The following NHSL2 variants were observed in gnomAD, a reference collection of about 807,000 sequenced individuals.
The protein encoded by NHSL2 is NHS-like protein 2.
Under a neutral mutation model 53.4 loss-of-function variants are expected in NHSL2, and 27 were observed. The ratio of observed to expected loss-of-function variants is 0.51; its 90% CI spans 0.37 to 0.70. NHSL2 has a LOEUF of 0.70. NHSL2 is among the 30% of genes least tolerant of loss of function. The pLI is 0.00. For synonymous variants in NHSL2, 408 were observed against 404.1 expected, an observed-to-expected ratio of 1.01 and a Z score of -0.12; for missense variants, 892 against 980.1, an observed-to-expected ratio of 0.91 and a Z score of 1.20.
rs141514463 is a variant in NHSL2, at chrX:72,065,222, G to A, written c.281-66857G>A. On this transcript the variant is annotated intron_variant, in intron 1 of 7. Coordinates refer to ENST00000633930, the MANE Select transcript of NHSL2 (RefSeq NM_001013627.3). ...AGAGGAAGGAAGGTCTGCATGAGCA[G>A]GGTAGCTTGGCCTGTGCCCATGAAT... 3.7e-3 allele frequency among the ~76,000 whole-genome samples: 417 copies of A among 111,919 alleles called. 2 individuals are homozygous for A. Among genetic ancestry groups the A allele is most frequent in the African/African-American group, 0.013 (393 of 30,819 alleles).
chrX:72,142,305 T>G lies in NHSL2; in HGVS notation c.3297T>G (p.Asp1099Glu). The G allele has an allele frequency of 8.6e-7, 1 of 1,158,886 alleles. No individual in the cohort carries two copies. The highest frequency in any genetic ancestry group is 1.9e-5 in the South Asian group (1 of 52,452). The change falls in exon 7 of 8, where the codon GAT (aspartate) becomes GAG (glutamate). Residue 1099 changes from aspartate to glutamate, a missense_variant. Physicochemically the swap from Asp to Glu is conservative, Grantham distance 45 (BLOSUM62 2). Transcript: ENST00000633930. ...SDKTAEWIAE[D>E]DDDVFVASRT... Reference sequence around the variant, plus strand: ...AAACAGCTGAATGGATTGCAGAGGATGATGATGACGTGTTTGTGGCTTCAC... The same window carrying G: ...AAACAGCTGAATGGATTGCAGAGGAGGATGATGACGTGTTTGTGGCTTCAC...
rs1323928890 is a variant in NHSL2 at position 72,146,048 on chromosome X, G to A, written c.*2474G>A. 8.9e-6 allele frequency: 1 copy of A among 112,522 alleles called. No homozygotes were observed. The highest frequency in any genetic ancestry group is 9.4e-5 in the Admixed American group (1 of 10,660). 9.3% of individuals were successfully genotyped at this position (112,522 alleles called of 1,213,427 possible). A position where few individuals can be genotyped will look rare whatever the true frequency, so the allele number is the denominator to read the frequency against. ...TGGTCAGAGAGAACATTTAAGACCG[G>A]AAGTATTCATTTAATTTTTTAAATT... On this transcript the variant is annotated 3_prime_UTR_variant, in exon 8 of 8. Coordinates refer to ENST00000633930, the MANE Select transcript of NHSL2 (RefSeq NM_001013627.3).
chrX:72,039,147 C>CTTTCCT (rs1251400322), intron 1 of NHSL2, among the ~76,000 whole-genome samples: 2 of 69,499 alleles, frequency 2.9e-5, no homozygotes, highest in Non-Finnish European at 2.6e-5. Flanking sequence ...CTTTCCTTTC[C>CTTTCCT]TTCCTTGTCT....
At chrX:72,094,852 T>C in intron 1 of NHSL2, among the ~76,000 whole-genome samples, 1 of 111,859 alleles carries the variant, frequency 8.9e-6, no homozygotes. Flanking sequence ...TTGGGGCAAA[T>C]TTTAGATTCA....
At chrX:71,915,800 T>G (rs1006722212) in intron 1 of NHSL2, among the ~76,000 whole-genome samples, 1 of 111,305 alleles carries the variant, frequency 9.0e-6, no homozygotes, top group Non-Finnish European at 1.9e-5. Flanking sequence ...AAGTTCAAAG[T>G]CAGTTGTTCT....
chrX:72,008,659 A>T (rs188250324), intron 1 of NHSL2, among the ~76,000 whole-genome samples: 244 of 112,591 alleles, frequency 2.2e-3, no homozygotes, highest in African/African-American at 7.7e-3. Context: ...CTTGCTGCAT[A>T]ACAGAACTTT....
chrX:71,955,627 CT>C (rs2041839545), intron 1 of NHSL2, among the ~76,000 whole-genome samples: 1 of 110,019 alleles, frequency 9.1e-6, no homozygotes. Flanking sequence ...ACTTATTGAA[CT>C]GGGGAGGCAA....
chrX:72,056,940 G>A (rs991413396), intron 1 of NHSL2, among the ~76,000 whole-genome samples: 4 of 112,413 alleles, frequency 3.6e-5, no homozygotes, highest in Admixed American at 2.8e-4. Flanking sequence ...CAGAGAAATT[G>A]GGAGCCAGCA....
chrX:72,111,845 C>T (rs1420129239), intron 1 of NHSL2, among the ~76,000 whole-genome samples: 1 of 111,595 alleles, frequency 9.0e-6, no homozygotes, highest in Non-Finnish European at 1.9e-5. Context: ...CAGACAAGAT[C>T]CTTGACCTCA....
chrX:72,039,141 CCTTT>C (rs2042259296), intron 1 of NHSL2, among the ~76,000 whole-genome samples: 1 of 97,477 alleles, frequency 1.0e-5, no homozygotes, highest in South Asian at 4.3e-4. Context: ...CCTTTCCTTT[CCTTT>C]CCTTCCTTGT....
At chrX:71,942,052 G>A (rs2041768581) in intron 1 of NHSL2, among the ~76,000 whole-genome samples, 1 of 109,619 alleles carries the variant, frequency 9.1e-6, no homozygotes, top group Non-Finnish European at 1.9e-5. Flanking sequence ...AAGGGGGCTA[G>A]AGGAGTGGGG....
chrX:72,043,488 G>A (rs923576636), intron 1 of NHSL2, among the ~76,000 whole-genome samples: 3 of 111,486 alleles, frequency 2.7e-5, no homozygotes, highest in African/African-American at 6.5e-5. Context: ...GGAAAGAGAG[G>A]TAATGAAAAG....
At chrX:71,946,016 C>T (rs2041790894) in intron 1 of NHSL2, among the ~76,000 whole-genome samples, 1 of 112,376 alleles carries the variant, frequency 8.9e-6, no homozygotes, top group South Asian at 3.7e-4. Context: ...AAGCCTCAGG[C>T]TGACATACCG....
At chrX:71,914,559 T>G (rs1170972783) in intron 1 of NHSL2, among the ~76,000 whole-genome samples, 1 of 112,384 alleles carries the variant, frequency 8.9e-6, no homozygotes, top group Non-Finnish European at 1.9e-5. Flanking sequence ...ACAATTATTT[T>G]GGCTTGAATA....
intron 1 of NHSL2, among the ~76,000 whole-genome samples, chrX:72,017,727 A>G (rs1265369544): frequency 2.7e-5 from 3 of 112,537 alleles, no homozygotes; most frequent in African/African-American, 3.2e-5. Flanking sequence ...GCACTACTCT[A>G]TGGACCTAAC....
At chrX:72,114,720 C>A (rs1034130304) in intron 1 of NHSL2, among the ~76,000 whole-genome samples, 13 of 112,522 alleles carry the variant, frequency 1.2e-4, no homozygotes, top group Non-Finnish European at 1.3e-4. Context: ...CAACAAAATG[C>A]CTTCTGGCAG....
At chrX:72,136,286 A>G (rs1602399610) in intron 4 of NHSL2, among the ~76,000 whole-genome samples, 2 of 111,845 alleles carry the variant, frequency 1.8e-5, no homozygotes, top group African/African-American at 6.5e-5. Flanking sequence ...TTTTAATAAT[A>G]TTAAGTAAGG....
At chrX:72,073,405 T>C (rs2041716456) in intron 1 of NHSL2, among the ~76,000 whole-genome samples, 1 of 111,887 alleles carries the variant, frequency 8.9e-6, no homozygotes, top group Admixed American at 9.5e-5. Flanking sequence ...CTTTCGCCTA[T>C]TGAGTGAGTG....
In NHSL2 at chrX:72,143,568, TACC is replaced by T; in HGVS notation, c.3673_3675del (p.Thr1225del). ...ACTATGAAACCACCGATAACCCCAG[TACC>T]TAAGCCCTGGGCTCAACAAGCAGGG... is the stretch of plus-strand genomic sequence containing the variant. On this transcript the variant is annotated inframe_deletion, in exon 8 of 8. Transcript: ENST00000633930. 3 of 1,136,731 alleles carry T rather than the reference TACC, an allele frequency of 2.6e-6. No individual in the cohort carries two copies. Among genetic ancestry groups the T allele is most frequent in the Non-Finnish European group, 3.5e-6 (3 of 851,911 alleles). The allele number at this position is 1,136,731 out of a possible 1,213,427, so 93.7% of individuals were successfully genotyped here.
Sources: allele counts gnomAD v4.1 joint callset (sites outside exome capture counted in the v4.1 genomes callset), GRCh38; gene constraint gnomAD v4.1.1; transcripts MANE v1.5; gene names NCBI Gene and HGNC (gene_info 2026-07-23, HGNC 2026-07-21).